PCDHA3: variants seen among roughly 807,000 people sequenced by gnomAD.
PCDHA3 encodes protocadherin alpha-3.
Under a neutral mutation model 62.2 loss-of-function variants are expected in PCDHA3, and 41 were observed. The observed-to-expected ratio is 0.66, with a 90% CI of 0.51 to 0.86. The LOEUF (loss-of-function observed/expected upper bound fraction) is 0.86, where lower values mean the gene tolerates loss of function less well. PCDHA3 is among the 40% of genes least tolerant of loss of function. The probability of loss-of-function intolerance (pLI) is 0.00; values close to 1 mark genes in which losing one functional copy is unlikely to be tolerated. For missense variants in PCDHA3, 1,304 were observed against 1,241.2 expected, an observed-to-expected ratio of 1.05 and a Z score of -0.76; for synonymous variants, 640 against 555.4, an observed-to-expected ratio of 1.15 and a Z score of -2.14.
chr5:140,883,867 C>T (rs2059859396), intron 1 of PCDHA3: 3 of 1,613,138 alleles, frequency 1.9e-6, no homozygotes, highest in Non-Finnish European at 2.5e-6. Flanking sequence ...TGTTGCAGTT[C>T]CAGGTGAGCG....
intron 1 of PCDHA3, chr5:140,841,807 TG>T (rs2150323037): frequency 6.8e-6 from 11 of 1,613,820 alleles, no homozygotes; most frequent in Non-Finnish European, 9.3e-6. Flanking sequence ...ATGCAGATGT[TG>T]GAGCTAACTC....
At chr5:140,929,298 A>T in intron 1 of PCDHA3, 1 of 1,591,722 alleles carries the variant, frequency 6.3e-7, no homozygotes, top group South Asian at 1.1e-5. Context: ...GGAATAGGAA[A>T]GGGGATCACG....
At position 141,009,806 on chromosome 5, in the gene PCDHA3, A is replaced by G. The variant is rs781853535; in HGVS notation, c.2722A>G (p.Ile908Val). 18 of 1,614,018 alleles carry G rather than the reference A, an allele frequency of 1.1e-5. No individual in the cohort carries two copies. Among genetic ancestry groups the G allele is most frequent in the Non-Finnish European group, 1.5e-5 (18 of 1,180,028 alleles). ...SIRQEPTNSQ[I>V]DKSDFITFGK... is the part of the protein sequence containing the mutation. ...CCGGCAGGAGCCTACTAACAGCCAA[A>G]TTGACAAAAGTGACTTCATAACCTT... The change falls in exon 4 of 4, where the codon ATT becomes GTT. Residue 908 changes from isoleucine (I) to valine (V), a missense_variant. Physicochemically the swap from Ile to Val is conservative, Grantham distance 29 (BLOSUM62 3). Coordinates refer to ENST00000522353, the MANE Select transcript of PCDHA3 (RefSeq NM_018906.3).
chr5:140,904,156 G>C (rs1554191312), intron 1 of PCDHA3, among the ~76,000 whole-genome samples: 1 of 152,028 alleles, frequency 6.6e-6, no homozygotes, highest in Non-Finnish European at 1.5e-5. Flanking sequence ...ATTGCACCCA[G>C]TTTGTAGTCT....
chr5:140,833,151 G>A (rs1260869856), intron 1 of PCDHA3, among the ~76,000 whole-genome samples: 3 of 152,094 alleles, frequency 2.0e-5, no homozygotes, highest in Non-Finnish European at 4.4e-5. Flanking sequence ...GAAGCAATAC[G>A]AATAAAAAGT....
chr5:140,984,960 CAG>C (rs1387655082), intron 3 of PCDHA3, among the ~76,000 whole-genome samples: 2 of 151,386 alleles, frequency 1.3e-5, no homozygotes, highest in African/African-American at 4.9e-5. Context: ...TTTTTTGAGA[CAG>C]AGTCTCGCTC....
chr5:140,863,120 C>T, intron 1 of PCDHA3: 4 of 591,460 alleles, frequency 6.8e-6, no homozygotes, highest in Non-Finnish European at 1.0e-5. Context: ...GCGAAAGCTA[C>T]GCGCCACCGC....
intron 1 of PCDHA3, chr5:140,807,240 T>C: frequency 6.2e-7 from 1 of 1,614,082 alleles, no homozygotes; most frequent in Non-Finnish European, 8.5e-7. Flanking sequence ...CTGCTCTTAC[T>C]TCTTCTCCTC....
chr5:140,860,649 A>T (rs1256237065), intron 1 of PCDHA3: 2 of 152,282 alleles, frequency 1.3e-5, no homozygotes, highest in Non-Finnish European at 2.9e-5. Context: ...GAAGAAGATA[A>T]GTGAAATAAT....
At chr5:140,836,178 G>A in intron 1 of PCDHA3, 1 of 1,613,826 alleles carries the variant, frequency 6.2e-7, no homozygotes, top group Non-Finnish European at 8.5e-7. Context: ...TGCAGTTGAC[G>A]CTGACTCAGG....
At chr5:140,964,910 A>G (rs1474342229) in intron 1 of PCDHA3, among the ~76,000 whole-genome samples, 2 of 152,206 alleles carry the variant, frequency 1.3e-5, no homozygotes, top group African/African-American at 4.8e-5. Context: ...CTTCTCTGGA[A>G]TAACACTGGC....
intron 1 of PCDHA3, chr5:140,853,295 G>T: frequency 1.0e-6 from 1 of 982,026 alleles, no homozygotes. Flanking sequence ...ATTCTCAGAA[G>T]GGCTGTGAAC....
chr5:140,974,396 G>C (rs1413050341), intron 1 of PCDHA3, among the ~76,000 whole-genome samples: 1 of 152,178 alleles, frequency 6.6e-6, no homozygotes, highest in Admixed American at 6.5e-5. Context: ...CATTAGGTAT[G>C]TTCTAAAGTT....
At chr5:140,820,794 G>T (rs1310374282) in intron 1 of PCDHA3, among the ~76,000 whole-genome samples, 2 of 151,976 alleles carry the variant, frequency 1.3e-5, no homozygotes, top group Admixed American at 6.5e-5. Flanking sequence ...AAGTACAAAG[G>T]TATGTATTTT....
intron 1 of PCDHA3, among the ~76,000 whole-genome samples, chr5:140,945,058 C>A (rs939271004): frequency 1.3e-5 from 2 of 151,996 alleles, no homozygotes; most frequent in Non-Finnish European, 2.9e-5. Flanking sequence ...AAAGAAAACC[C>A]TACAGACTCC....
intron 1 of PCDHA3, among the ~76,000 whole-genome samples, chr5:140,892,079 G>A (rs985463495): frequency 2.0e-5 from 3 of 152,066 alleles, no homozygotes; most frequent in Admixed American, 6.6e-5. Context: ...ATAATTTCTA[G>A]TTTCCTCTCG....
At chr5:140,806,957 T>TC in intron 1 of PCDHA3, 1 of 595,210 alleles carries the variant, frequency 1.7e-6, no homozygotes, top group Non-Finnish European at 3.0e-6. Flanking sequence ...TGTGGGGGTT[T>TC]CCACAATTGC....
chr5:140,977,541 G>A (rs1164108305), intron 1 of PCDHA3, among the ~76,000 whole-genome samples: 2 of 152,188 alleles, frequency 1.3e-5, no homozygotes, highest in Non-Finnish European at 2.9e-5. Context: ...GAAGCAGCTT[G>A]CATATGCATA....
chr5:140,821,600 G>C, intron 1 of PCDHA3: 1 of 730,846 alleles, frequency 1.4e-6, no homozygotes, highest in Non-Finnish European at 2.1e-6. Context: ...AGCCTCAAAG[G>C]AATACAGTGA....
Sources: allele counts gnomAD v4.1 joint callset (sites outside exome capture counted in the v4.1 genomes callset), GRCh38; gene constraint gnomAD v4.1.1; transcripts MANE v1.5; gene names NCBI Gene and HGNC (gene_info 2026-07-23, HGNC 2026-07-21).